HEPHL1: variants seen among roughly 807,000 people sequenced by gnomAD.
HEPHL1 encodes ferroxidase HEPHL1.
HEPHL1 carries 123 observed loss-of-function variants against 122.0 expected under a neutral mutation model. The observed-to-expected ratio is 1.01, with a 90% CI of 0.87 to 1.17. The LOEUF (loss-of-function observed/expected upper bound fraction) is 1.17, where lower values mean the gene tolerates loss of function less well. Ranked by LOEUF, HEPHL1 falls within the 50% of genes most tolerant of loss-of-function variation. The pLI is 0.00. For synonymous variants in HEPHL1, 527 were observed against 508.9 expected (o/e 1.04, Z -0.48); for missense variants, 1,452 against 1,430.5 (o/e 1.01, Z -0.24).
chr11:94,070,660 G>C (rs1946067835), intron 6 of HEPHL1, 118 bp downstream of exon 6: 1 of 756,748 alleles, frequency 1.3e-6, no homozygotes, highest in Admixed American at 2.9e-5. Context: ...TGCATAGATG[G>C]CATAATGTAG....
intron 2 of HEPHL1, among the ~76,000 whole-genome samples, chr11:94,056,657 T>TTATCTATCTATC (rs1555061044): frequency 5.5e-4 from 61 of 111,916 alleles, no homozygotes; most frequent in African/African-American, 1.8e-3. Flanking sequence ...CTATTATTGA[T>TTATCTATCTATC]TATCTATCTA....
chr11:94,072,200 T>G (rs1402314277), intron 6 of HEPHL1, among the ~76,000 whole-genome samples: 1 of 152,058 alleles, frequency 6.6e-6, no homozygotes, highest in Non-Finnish European at 1.5e-5. Context: ...AATCTAATAG[T>G]TGTGTGTCTA....
chr11:94,089,085 G>T, intron 12 of HEPHL1, 117 bp downstream of exon 12: 1 of 952,320 alleles, frequency 1.1e-6, no homozygotes, highest in Admixed American at 2.0e-5. Flanking sequence ...CCGGCCGACA[G>T]AGACTTTTAC....
intron 2 of HEPHL1, among the ~76,000 whole-genome samples, chr11:94,050,501 AAGTTTCTTTCT>A (rs1181471300): frequency 2.0e-5 from 3 of 152,092 alleles, no homozygotes; most frequent in African/African-American, 7.2e-5. Context: ...CAGATTGAGA[AAGTTTCTTTCT>A]TTTTTTTAAT....
intron 9 of HEPHL1, among the ~76,000 whole-genome samples, chr11:94,081,720 C>T (rs759991019): frequency 3.6e-4 from 55 of 152,172 alleles, no homozygotes; most frequent in Middle Eastern, 3.4e-3. Flanking sequence ...GATGCAGGTA[C>T]AGAGAGGAAT....
intron 2 of HEPHL1, among the ~76,000 whole-genome samples, 174 bp downstream of exon 2, chr11:94,046,091 C>CTTTTTTTTTTCTTTTT (rs1555059416): frequency 3.1e-5 from 2 of 65,048 alleles, no homozygotes; most frequent in Non-Finnish European, 5.1e-5. Context: ...CCCTTTCTTG[C>CTTTTTTTTTTCTTTTT]TTTTTTTTTT....
At chr11:94,048,631 G>A (rs1945861034) in intron 2 of HEPHL1, among the ~76,000 whole-genome samples, 1 of 152,042 alleles carries the variant, frequency 6.6e-6, no homozygotes, top group Admixed American at 6.6e-5. Flanking sequence ...CAAAGTGCAG[G>A]GATAACAGTA....
At position 94,021,558 on chromosome 11, in the gene HEPHL1, T is replaced by G; in HGVS notation, c.170+20T>G. The G allele has an allele frequency of 6.4e-7, 1 of 1,572,926 alleles. No individual in the cohort carries two copies. The highest frequency in any genetic ancestry group is 8.6e-7 in the Non-Finnish European group (1 of 1,156,840). Reference sequence around the variant, plus strand: ...AGACAAGTGAGTGAACTTAGGGTCCTCATTGACTCCCAGGTTTGGCCTCTT... The same window carrying G: ...AGACAAGTGAGTGAACTTAGGGTCCGCATTGACTCCCAGGTTTGGCCTCTT... On this transcript the variant is annotated intron_variant, in intron 1 of 19. Transcript: ENST00000315765.
At chr11:94,079,015 C>T (rs1326779428) in intron 9 of HEPHL1, among the ~76,000 whole-genome samples, 1 of 152,146 alleles carries the variant, frequency 6.6e-6, no homozygotes, top group Admixed American at 6.5e-5. Context: ...CCCAGTTACC[C>T]TCCAAATACC....
At chr11:94,050,692 C>G (rs1007940702) in intron 2 of HEPHL1, among the ~76,000 whole-genome samples, 1 of 152,046 alleles carries the variant, frequency 6.6e-6, no homozygotes, top group Non-Finnish European at 1.5e-5. Flanking sequence ...TTTCGTTATT[C>G]TAAAATGCAC....
intron 9 of HEPHL1, among the ~76,000 whole-genome samples, chr11:94,082,079 G>T (rs929157310): frequency 1.3e-5 from 2 of 151,588 alleles, no homozygotes; most frequent in African/African-American, 4.9e-5. Flanking sequence ...GGGAAATGAA[G>T]TCAGAGAGAG....
intron 1 of HEPHL1, among the ~76,000 whole-genome samples, chr11:94,024,101 G>A (rs1187995739): frequency 6.6e-6 from 1 of 152,184 alleles, no homozygotes; most frequent in East Asian, 1.9e-4. Context: ...AGGGTGAATA[G>A]GCTGCCTTTC....
chr11:94,111,155 C>T (rs548635720), intron 18 of HEPHL1, 90 bp downstream of exon 18: 19 of 1,036,576 alleles, frequency 1.8e-5, no homozygotes, highest in Non-Finnish European at 2.5e-5. Flanking sequence ...CCAGATATAG[C>T]CCTCAACAAG....
In HEPHL1 at chr11:94,082,455, T is replaced by C. The variant is rs1946178874; in HGVS notation, c.1754T>C (p.Val585Ala). The C allele has an allele frequency of 6.2e-7, 1 of 1,612,684 alleles. No homozygotes were observed. Among genetic ancestry groups the C allele is most frequent in the Non-Finnish European group, 8.5e-7 (1 of 1,178,822 alleles). Reference protein sequence around the residue: ...IDKEFYLLFTVFDENLSRYFD... With the variant: ...IDKEFYLLFTAFDENLSRYFD... ...AAGGAGTTTTACCTACTGTTCACAG[T>C]CTTTGATGAGAATCTGAGCAGATAT... Residue 585 changes from valine to alanine, a missense_variant, in exon 10 of 20, where the codon GTC (valine) becomes GCC (alanine). By Grantham distance (64) the Val-to-Ala change is moderately conservative (BLOSUM62 0). Transcript: ENST00000315765.
At chr11:94,075,128 T>G in intron 8 of HEPHL1, 46 bp from the exon 9 acceptor site, 1 of 1,530,024 alleles carries the variant, frequency 6.5e-7, no homozygotes, top group Non-Finnish European at 9.0e-7. Flanking sequence ...ACCAATGTAA[T>G]GTTCTTGCCT....
At chr11:94,060,274 T>C (rs1518558) in intron 2 of HEPHL1, among the ~76,000 whole-genome samples, 141,998 of 151,312 alleles carry the variant, frequency 0.94, 67,293 homozygotes, top group East Asian at 1. Flanking sequence ...CATACACACA[T>C]ATGCACACAT....
intron 1 of HEPHL1, among the ~76,000 whole-genome samples, chr11:94,026,737 T>G (rs1011938220): frequency 1.3e-5 from 2 of 152,218 alleles, no homozygotes; most frequent in South Asian, 4.1e-4. Context: ...CAGCCAAGTG[T>G]AGCCCAGCCT....
Position 94,104,662 on chromosome 11 carries a change from T to C in HEPHL1, c.2817T>C (p.Tyr939=). ...TATTTAATGAGAATGAATCCTGGTATCTGGATGACAATATTAAGAAGTATC... is the reference window on the plus strand; with the variant it reads ...TATTTAATGAGAATGAATCCTGGTACCTGGATGACAATATTAAGAAGTATC... ...FLVFNENESW[Y]LDDNIKKYLN... The change falls in exon 16 of 20, where the codon TAT becomes TAC. Residue 939 remains tyrosine (Y), a synonymous_variant. Coordinates refer to ENST00000315765, the MANE Select transcript of HEPHL1 (RefSeq NM_001098672.2). 1 of 1,613,392 alleles carries C rather than the reference T, an allele frequency of 6.2e-7. No individual in the cohort carries two copies. The highest frequency in any genetic ancestry group is 1.1e-5 in the South Asian group (1 of 91,070).
chr11:94,031,331 T>TACACACACACACACAC (rs3058474), intron 1 of HEPHL1, among the ~76,000 whole-genome samples: 1 of 144,494 alleles, frequency 6.9e-6, no homozygotes, highest in African/African-American at 2.6e-5. Flanking sequence ...TGTGCATTGT[T>TACACACACACACACAC]ACACACACAC....
Sources: allele counts gnomAD v4.1 joint callset (sites outside exome capture counted in the v4.1 genomes callset), GRCh38; gene constraint gnomAD v4.1.1; transcripts MANE v1.5; gene names NCBI Gene and HGNC (gene_info 2026-07-23, HGNC 2026-07-21).